Variants in LRRTM4 observed in about 807,000 individuals in gnomAD.
LRRTM4 encodes leucine-rich repeat transmembrane neuronal protein 4.
A neutral mutation model predicts 47.6 loss-of-function variants in LRRTM4; 25 were observed. That is an observed-to-expected ratio of 0.53 (90% CI 0.38 to 0.73). LRRTM4 has a LOEUF of 0.73. Ranked by LOEUF, LRRTM4 falls within the 30% of genes least tolerant of loss-of-function variation. The pLI is 0.00. For synonymous variants in LRRTM4, 311 were observed against 269.5 expected (o/e 1.15, Z -1.51); for missense variants, 638 against 713.4 (o/e 0.89, Z 1.20).
chr2:76,804,496 T>G (rs1558665306), intron 3 of LRRTM4, among the ~76,000 whole-genome samples: 1 of 151,920 alleles, frequency 6.6e-6, no homozygotes, highest in Non-Finnish European at 1.5e-5. Context: ...TCAGCCATAT[T>G]CTGTCCTGAT....
chr2:77,220,739 T>G (rs547334244), intron 3 of LRRTM4, among the ~76,000 whole-genome samples: 4 of 152,218 alleles, frequency 2.6e-5, no homozygotes, highest in Non-Finnish European at 5.9e-5. Context: ...TTGCTGTACC[T>G]GAAAGTGATG....
At chr2:77,235,211 G>T (rs766870241) in intron 3 of LRRTM4, among the ~76,000 whole-genome samples, 16 of 151,766 alleles carry the variant, frequency 1.1e-4, no homozygotes, top group South Asian at 2.1e-4. Flanking sequence ...AGCATCTGTT[G>T]GTTTTTTACT....
chr2:77,298,303 C>G (rs905559269), intron 3 of LRRTM4, among the ~76,000 whole-genome samples: 3 of 152,200 alleles, frequency 2.0e-5, no homozygotes, highest in African/African-American at 7.2e-5. Flanking sequence ...GTGGCACGAT[C>G]TCGGCTCACT....
chr2:77,433,957 T>A (rs1312362148), intron 3 of LRRTM4, among the ~76,000 whole-genome samples: 2 of 151,998 alleles, frequency 1.3e-5, no homozygotes, highest in Non-Finnish European at 2.9e-5. Context: ...CACAACAGAA[T>A]CTCTACACAA....
At chr2:77,337,763 T>G (rs1457596992) in intron 3 of LRRTM4, among the ~76,000 whole-genome samples, 1 of 152,058 alleles carries the variant, frequency 6.6e-6, no homozygotes, top group African/African-American at 2.4e-5. Context: ...TATAGCAGTG[T>G]GAGAATGAAC....
chr2:77,466,588 C>G (rs1676990378), intron 3 of LRRTM4, among the ~76,000 whole-genome samples: 1 of 151,840 alleles, frequency 6.6e-6, no homozygotes, highest in Admixed American at 6.6e-5. Flanking sequence ...GAAAAATTGA[C>G]AAATTCAGGT....
chr2:77,180,214 C>T (rs1226546560), intron 3 of LRRTM4, among the ~76,000 whole-genome samples: 2 of 152,098 alleles, frequency 1.3e-5, no homozygotes, highest in Non-Finnish European at 2.9e-5. Flanking sequence ...ACAACTTTGA[C>T]AGCACCAGAG....
intron 3 of LRRTM4, among the ~76,000 whole-genome samples, chr2:76,853,901 T>A (rs1364963122): frequency 6.6e-6 from 1 of 152,188 alleles, no homozygotes; most frequent in Admixed American, 6.5e-5. Context: ...GCCAAAATGT[T>A]TGTTGCCTTT....
intron 3 of LRRTM4, chr2:77,517,215 T>C: frequency 2.0e-6 from 2 of 985,054 alleles, no homozygotes; most frequent in Non-Finnish European, 2.4e-6. Flanking sequence ...ATCCTGTAAG[T>C]GATCTTTTAA....
At chr2:77,254,871 A>G (rs571168627) in intron 3 of LRRTM4, among the ~76,000 whole-genome samples, 79 of 151,138 alleles carry the variant, frequency 5.2e-4, no homozygotes, top group African/African-American at 1.6e-3. Context: ...AAAAGCGAAC[A>G]GAGAAATAGG....
chr2:77,018,529 T>C (rs532432320), intron 3 of LRRTM4, among the ~76,000 whole-genome samples: 33 of 152,272 alleles, frequency 2.2e-4, no homozygotes, highest in African/African-American at 7.7e-4. Flanking sequence ...TCTACAGCAT[T>C]CCTCTGAGCA....
At chr2:76,755,558 C>A (rs150991653) in intron 3 of LRRTM4, among the ~76,000 whole-genome samples, 11 of 152,200 alleles carry the variant, frequency 7.2e-5, no homozygotes, top group Admixed American at 5.9e-4. Flanking sequence ...TCTAGCATAT[C>A]GTTCGATGCA....
chr2:77,377,635 C>T (rs928849633), intron 3 of LRRTM4, among the ~76,000 whole-genome samples: 25 of 151,868 alleles, frequency 1.6e-4, no homozygotes, highest in Admixed American at 6.6e-5. Flanking sequence ...TAATACTAAT[C>T]GGGTTAAATA....
At chr2:77,036,898 T>TTTC (rs1439033022) in intron 3 of LRRTM4, among the ~76,000 whole-genome samples, 1 of 151,734 alleles carries the variant, frequency 6.6e-6, no homozygotes, top group Non-Finnish European at 1.5e-5. Context: ...ATATAGATTA[T>TTTC]TTATTAACCT....
intron 3 of LRRTM4, among the ~76,000 whole-genome samples, chr2:76,822,955 C>T (rs1177303470): frequency 6.6e-6 from 1 of 151,080 alleles, no homozygotes; most frequent in East Asian, 1.9e-4. Flanking sequence ...AAAAACAATG[C>T]GCACAAAACC....
intron 3 of LRRTM4, among the ~76,000 whole-genome samples, chr2:77,085,367 G>A (rs1456821894): frequency 1.4e-5 from 2 of 146,440 alleles, no homozygotes; most frequent in African/African-American, 5.1e-5. Context: ...CATTCAACTG[G>A]CAATCCCTCA....
chr2:76,908,262 A>T (rs1673921356), intron 3 of LRRTM4, among the ~76,000 whole-genome samples: 2 of 152,090 alleles, frequency 1.3e-5, no homozygotes, highest in Non-Finnish European at 1.5e-5. Flanking sequence ...ATCTCAATAG[A>T]TGCAGAAAAG....
intron 3 of LRRTM4, among the ~76,000 whole-genome samples, chr2:76,917,283 T>G (rs1004116246): frequency 3.9e-5 from 6 of 152,200 alleles, no homozygotes; most frequent in African/African-American, 1.4e-4. Context: ...CTTCATGATC[T>G]CTGATACACA....
At chr2:76,760,039 C>T (rs1467916746) in intron 3 of LRRTM4, among the ~76,000 whole-genome samples, 1 of 152,084 alleles carries the variant, frequency 6.6e-6, no homozygotes, top group Non-Finnish European at 1.5e-5. Context: ...GTGTAGAATG[C>T]TTCAATAAAT....
Sources: gnomAD v4.1 joint callset for allele counts (sites outside exome capture counted in the v4.1 genomes callset) on GRCh38, gnomAD v4.1.1 for gene constraint, MANE v1.5 for transcripts, NCBI Gene and HGNC (gene_info 2026-07-23, HGNC 2026-07-21) for gene names.